EYS: variants seen among roughly 807,000 people sequenced by gnomAD.
EYS encodes the protein protein eyes shut homolog.
A neutral mutation model predicts 282.1 loss-of-function variants in EYS; 250 were observed. The observed-to-expected ratio is 0.89, with a 90% CI of 0.80 to 0.98. EYS has a LOEUF of 0.98. Among genes scored for constraint, EYS ranks in the 50% least tolerant of loss-of-function variants. The pLI is 0.00. For missense variants in EYS, 4,016 were observed against 3,709.0 expected (o/e 1.08, Z -2.15); for synonymous variants, 1,355 against 1,282.9 (o/e 1.06, Z -1.20).
At chr6:64,335,891 A>T (rs1770833815) in intron 29 of EYS, among the ~76,000 whole-genome samples, 3 of 152,246 alleles carry the variant, frequency 2.0e-5, no homozygotes, top group Admixed American at 1.3e-4. Flanking sequence ...ATCATGTATG[A>T]AGAAACAATA....
chr6:63,748,887 A>G (rs1769274361), intron 41 of EYS, among the ~76,000 whole-genome samples: 1 of 151,208 alleles, frequency 6.6e-6, no homozygotes, highest in East Asian at 1.9e-4. Context: ...TTTCTTCTTT[A>G]TTGGTCTAGC....
intron 12 of EYS, among the ~76,000 whole-genome samples, chr6:65,293,903 A>AT (rs1319430991): frequency 6.6e-6 from 1 of 151,932 alleles, no homozygotes; most frequent in Non-Finnish European, 1.5e-5. Flanking sequence ...TATACTTGAT[A>AT]TAAAAAGCCA....
chr6:64,998,439 C>A (rs77657879), intron 13 of EYS, among the ~76,000 whole-genome samples: 2,377 of 152,232 alleles, frequency 0.016, 64 homozygotes, highest in African/African-American at 0.054. Flanking sequence ...TGCTATTACT[C>A]TCATTAAATG....
chr6:64,810,899 C>T (rs572728673), intron 22 of EYS, among the ~76,000 whole-genome samples: 1 of 151,854 alleles, frequency 6.6e-6, no homozygotes, highest in Non-Finnish European at 1.5e-5. Context: ...AAGATAATAA[C>T]AACAAAATAT....
chr6:64,922,336 A>G (rs912931668), intron 15 of EYS, among the ~76,000 whole-genome samples: 1 of 152,206 alleles, frequency 6.6e-6, no homozygotes, highest in African/African-American at 2.4e-5. Flanking sequence ...GTTTTGAAGA[A>G]CTAAATTTAA....
intron 12 of EYS, among the ~76,000 whole-genome samples, chr6:65,190,592 T>C (rs756128150): frequency 3.3e-5 from 5 of 151,656 alleles, no homozygotes; most frequent in Non-Finnish European, 4.4e-5. Flanking sequence ...TGTGATAAAT[T>C]CATGTTGATA....
chr6:64,432,808 T>A (rs956691282), intron 28 of EYS, among the ~76,000 whole-genome samples: 1 of 152,042 alleles, frequency 6.6e-6, no homozygotes, highest in African/African-American at 2.4e-5. Flanking sequence ...TTTTGCTTCA[T>A]GACATACTCT....
At chr6:65,675,471 T>TA (rs1344928105) in intron 1 of EYS, among the ~76,000 whole-genome samples, 1 of 151,920 alleles carries the variant, frequency 6.6e-6, no homozygotes, top group Admixed American at 6.6e-5. Context: ...GAGGTAGCCA[T>TA]ATTTGTATCA....
intron 26 of EYS, among the ~76,000 whole-genome samples, chr6:64,571,693 C>T (rs1227785626): frequency 6.6e-6 from 1 of 152,056 alleles, no homozygotes; most frequent in Non-Finnish European, 1.5e-5. Context: ...AGGGATAAAT[C>T]CAGGACACAT....
intron 12 of EYS, among the ~76,000 whole-genome samples, chr6:65,234,085 C>A (rs895224466): frequency 6.6e-6 from 1 of 152,086 alleles, no homozygotes; most frequent in African/African-American, 2.4e-5. Context: ...CACTGCCCAC[C>A]AAGATCTTCA....
chr6:63,941,997 A>G lies in EYS; in HGVS notation c.7055+42386T>C, dbSNP rs117380785. On this transcript the variant is annotated intron_variant, in intron 35 of 42. Transcript: ENST00000503581. The stretch of plus-strand genomic sequence containing the variant: ...AACAATGCCGTTAGCCACCCAGAGT[A>G]CAATGAGTTAAACACTAAAGGTGTT... Among the ~76,000 whole-genome samples the G allele has an allele frequency of 1.7e-3, 259 of 152,348 alleles. 3 individuals carry two copies. In the East Asian group the frequency reaches 0.042, roughly 25 times the overall value.
At chr6:64,746,510 C>T (rs1583107965) in intron 22 of EYS, among the ~76,000 whole-genome samples, 1 of 152,108 alleles carries the variant, frequency 6.6e-6, no homozygotes, top group East Asian at 1.9e-4. Flanking sequence ...CATAAATAGA[C>T]TAAGGTTTGA....
intron 12 of EYS, among the ~76,000 whole-genome samples, chr6:65,058,436 C>A (rs1188490782): frequency 7.2e-6 from 1 of 138,626 alleles, no homozygotes. Flanking sequence ...CAGACATGGG[C>A]CACTGAGCCT....
chr6:65,025,552 A>G (rs1772383428), intron 13 of EYS, among the ~76,000 whole-genome samples: 2 of 152,194 alleles, frequency 1.3e-5, no homozygotes, highest in African/African-American at 4.8e-5. Flanking sequence ...AACAGTAAAG[A>G]AACATGGTAT....
chr6:63,965,266 C>T (rs950199950), intron 35 of EYS, among the ~76,000 whole-genome samples: 2 of 152,178 alleles, frequency 1.3e-5, no homozygotes, highest in Non-Finnish European at 2.9e-5. Context: ...TGTTCCTCCA[C>T]AAGAGCCATG....
At chr6:64,152,349 T>C (rs1441179685) in intron 31 of EYS, among the ~76,000 whole-genome samples, 1 of 152,184 alleles carries the variant, frequency 6.6e-6, no homozygotes, top group East Asian at 1.9e-4. Context: ...TCTTGATGAA[T>C]AGCAAAGAGA....
chr6:63,876,184 T>C (rs1772964597), intron 35 of EYS, among the ~76,000 whole-genome samples: 1 of 152,220 alleles, frequency 6.6e-6, no homozygotes, highest in South Asian at 2.1e-4. Context: ...TTTGTTCTCA[T>C]TGGTTTCAAA....
intron 29 of EYS, among the ~76,000 whole-genome samples, chr6:64,369,271 G>T (rs925013581): frequency 1.3e-5 from 2 of 152,000 alleles, no homozygotes; most frequent in Non-Finnish European, 1.5e-5. Context: ...TTGTTCCATT[G>T]TTCTATGTGT....
At position 65,639,849 on chromosome 6, in the gene EYS, C is replaced by T. The variant is rs980249368; in HGVS notation, c.-404G>A. ...GCTAAATAAATATGGAGCAGAGGAT[C>T]CAGACTTGACTCCCCAGGTGTAAGA... On this transcript the variant is annotated 5_prime_UTR_variant, in exon 2 of 43. Transcript: ENST00000503581. The T allele has an allele frequency of 6.6e-6, 1 of 152,038 alleles. No homozygotes were observed. Among genetic ancestry groups the T allele is most frequent in the African/African-American group, 2.4e-5 (1 of 41,398 alleles). 9.4% of individuals were successfully genotyped at this position (152,038 alleles called of 1,614,324 possible). A position where few individuals can be genotyped will look rare whatever the true frequency, so the allele number is the denominator to read the frequency against.
Sources: allele counts gnomAD v4.1 joint callset (sites outside exome capture counted in the v4.1 genomes callset), GRCh38; gene constraint gnomAD v4.1.1; transcripts MANE v1.5; gene names NCBI Gene and HGNC (gene_info 2026-07-23, HGNC 2026-07-21).